Variants in ARRB1 observed in about 807,000 individuals in gnomAD.
ARRB1 encodes the protein beta-arrestin-1.
A neutral mutation model predicts 56.8 loss-of-function variants in ARRB1; 21 were observed. That is an observed-to-expected ratio of 0.37 (90% CI 0.26 to 0.53). ARRB1 has a LOEUF of 0.53. Ranked by LOEUF, ARRB1 falls within the 20% of genes least tolerant of loss-of-function variation. ARRB1 has a pLI of 0.88. For synonymous variants in ARRB1, 210 were observed against 218.6 expected, an observed-to-expected ratio of 0.96 and a Z score of 0.35; for missense variants, 424 against 553.7, an observed-to-expected ratio of 0.77 and a Z score of 2.35.
intron 1 of ARRB1, among the ~76,000 whole-genome samples, chr11:75,339,918 T>C (rs1591990811): frequency 6.6e-6 from 1 of 152,128 alleles, no homozygotes; most frequent in South Asian, 2.1e-4. Context: ...GGGGAGATAG[T>C]GTTCCATGTC....
chr11:75,261,170 T>C lies in ARRB1; in HGVS notation c.*4993A>G. 1 of 146,260 alleles carries C rather than the reference T, an allele frequency of 6.8e-6. No homozygotes were observed. Among genetic ancestry groups the C allele is most frequent in the Non-Finnish European group, 1.5e-5 (1 of 67,450 alleles). 9.1% of individuals were successfully genotyped at this position (146,260 alleles called of 1,614,324 possible). Reference sequence around the variant, plus strand: ...CAGGGTGGGTTGGCTAGAAAAACCATCAACTATGTACGTGTGTGTGTGTGT... The same window carrying C: ...CAGGGTGGGTTGGCTAGAAAAACCACCAACTATGTACGTGTGTGTGTGTGT... On this transcript the variant is annotated 3_prime_UTR_variant, in exon 16 of 16. Coordinates refer to ENST00000420843, the MANE Select transcript of ARRB1 (RefSeq NM_004041.5).
At chr11:75,346,653 T>C (rs1036138997) in intron 1 of ARRB1, among the ~76,000 whole-genome samples, 10 of 152,178 alleles carry the variant, frequency 6.6e-5, no homozygotes, top group African/African-American at 2.4e-4. Context: ...CTCCAGCTCA[T>C]CCTCTGTGGG....
chr11:75,271,443 C>T (rs1233567775), intron 13 of ARRB1: 1 of 394,460 alleles, frequency 2.5e-6, no homozygotes, highest in Non-Finnish European at 4.5e-6. Flanking sequence ...TCAGACAGCT[C>T]TCTTGGGGGC....
chr11:75,350,823 G>A (rs1947837082), intron 1 of ARRB1, among the ~76,000 whole-genome samples: 1 of 152,214 alleles, frequency 6.6e-6, no homozygotes, highest in Non-Finnish European at 1.5e-5. Context: ...TGTGATGTGT[G>A]TGTTTCCACT....
intron 1 of ARRB1, among the ~76,000 whole-genome samples, chr11:75,295,778 G>C (rs1181409537): frequency 1.2e-4 from 18 of 152,168 alleles, no homozygotes; most frequent in Admixed American, 1.2e-3. Flanking sequence ...CTAAATCCCA[G>C]GGCTGTCCCA....
Position 75,265,127 on chromosome 11 carries a change from C to T in ARRB1, c.*1036G>A, listed in dbSNP as rs1945880687. The T allele has an allele frequency of 1.3e-5, 2 of 152,304 alleles. No individual in the cohort carries two copies. The highest frequency in any genetic ancestry group is 6.5e-5 in the Admixed American group (1 of 15,290). The allele number at this position is 152,304 out of a possible 1,614,324, so 9.4% of individuals were successfully genotyped here. A position where few individuals can be genotyped will look rare whatever the true frequency, so the allele number is the denominator to read the frequency against. ...TGGCCTCAGGCACTCTCTCCCAGTC[C>T]ATAGGGTCAGTCCAGCCCTGGAGAA... On this transcript the variant is annotated 3_prime_UTR_variant, in exon 16 of 16. Transcript: ENST00000420843.
At chr11:75,306,721 G>A (rs1273449230) in intron 1 of ARRB1, 2 of 1,217,430 alleles carry the variant, frequency 1.6e-6, no homozygotes, top group Non-Finnish European at 2.1e-6. Flanking sequence ...AGCCCCAAGT[G>A]AGGGGTTAGT....
At chr11:75,304,557 C>CGTG (rs1381984716) in intron 1 of ARRB1, among the ~76,000 whole-genome samples, 2 of 151,642 alleles carry the variant, frequency 1.3e-5, no homozygotes, top group Non-Finnish European at 3.0e-5. Context: ...TTGTTAAACA[C>CGTG]AGCCAGTACC....
At chr11:75,273,123 A>G (rs1407852626) in intron 11 of ARRB1, 145 bp from the exon 12 acceptor site, 2 of 674,622 alleles carry the variant, frequency 3.0e-6, no homozygotes, top group Non-Finnish European at 5.2e-6. Context: ...CCCAGTGGAG[A>G]TGAGGAAGGC....
chr11:75,303,723 G>A (rs1362800997), intron 1 of ARRB1: 2 of 455,882 alleles, frequency 4.4e-6, no homozygotes, highest in Non-Finnish European at 4.4e-6. Context: ...GTGGGAGGAG[G>A]TGCATGTGTG....
intron 1 of ARRB1, among the ~76,000 whole-genome samples, chr11:75,348,452 G>C (rs1210619200): frequency 6.6e-6 from 1 of 152,168 alleles, no homozygotes; most frequent in Non-Finnish European, 1.5e-5. Context: ...CTGGAGGACA[G>C]AGTAGACTCC....
chr11:75,280,387 A>G (rs1486470704), intron 7 of ARRB1, among the ~76,000 whole-genome samples: 1 of 152,120 alleles, frequency 6.6e-6, no homozygotes, highest in Non-Finnish European at 1.5e-5. Flanking sequence ...CCCTCAGCCA[A>G]CCTCCTCTGG....
chr11:75,290,288 G>C (rs1946577093), intron 1 of ARRB1, among the ~76,000 whole-genome samples: 1 of 152,232 alleles, frequency 6.6e-6, no homozygotes, highest in Non-Finnish European at 1.5e-5. Flanking sequence ...TGCAGGGCAG[G>C]CTGCGGGAGT....
intron 1 of ARRB1, among the ~76,000 whole-genome samples, chr11:75,291,757 G>A (rs35927438): frequency 0.075 from 11,391 of 152,196 alleles, 495 homozygotes; most frequent in South Asian, 0.089. Context: ...GGCCCTGGAC[G>A]GGCGAAAATA....
At chr11:75,306,470 CTCATGGA>C (rs1462007510) in intron 1 of ARRB1, 1 of 700,540 alleles carries the variant, frequency 1.4e-6, no homozygotes, top group Non-Finnish European at 2.2e-6. Flanking sequence ...CAATGCACAT[CTCATGGA>C]GAGAGGAAGA....
chr11:75,306,686 C>T, intron 1 of ARRB1: 1 of 1,275,118 alleles, frequency 7.8e-7, no homozygotes. Flanking sequence ...AGGCCAGGGC[C>T]AGCCCCGCAG....
chr11:75,278,798 T>A, intron 7 of ARRB1, 54 bp from the exon 8 acceptor site: 1 of 1,552,506 alleles, frequency 6.4e-7, no homozygotes, highest in Admixed American at 1.9e-5. Context: ...CTTCATCCCC[T>A]CTCCTTGCGA....
intron 1 of ARRB1, among the ~76,000 whole-genome samples, chr11:75,346,896 G>A (rs924795496): frequency 2.6e-5 from 4 of 152,108 alleles, no homozygotes; most frequent in East Asian, 3.9e-4. Flanking sequence ...GCCCCACTAC[G>A]TCCAGCCTAT....
chr11:75,310,600 T>A (rs1285630077), intron 1 of ARRB1, among the ~76,000 whole-genome samples: 1 of 152,182 alleles, frequency 6.6e-6, no homozygotes, highest in African/African-American at 2.4e-5. Flanking sequence ...TGTGCTTCCT[T>A]AAGACCTAGA....
Sources: gnomAD v4.1 joint callset for allele counts (sites outside exome capture counted in the v4.1 genomes callset) on GRCh38, gnomAD v4.1.1 for gene constraint, MANE v1.5 for transcripts, NCBI Gene and HGNC (gene_info 2026-07-23, HGNC 2026-07-21) for gene names.